MBOAT2: variants seen among roughly 807,000 people sequenced by gnomAD.
MBOAT2 encodes membrane bound glycerophospholipid O-acyltransferase 2, also known as membrane-bound glycerophospholipid O-acyltransferase 2.
In MBOAT2, 28 loss-of-function variants were observed where a neutral mutation model predicts 63.4. The observed-to-expected ratio is 0.44, with a 90% CI of 0.33 to 0.61. The LOEUF (loss-of-function observed/expected upper bound fraction) is 0.61. MBOAT2 is among the 20% of genes least tolerant of loss of function. The probability of loss-of-function intolerance (pLI) is 0.03; values close to 1 mark genes in which losing one functional copy is unlikely to be tolerated. For missense variants in MBOAT2, 470 were observed against 605.8 expected, an observed-to-expected ratio of 0.78 and a Z score of 2.35; for synonymous variants, 211 against 215.6, an observed-to-expected ratio of 0.98 and a Z score of 0.19.
chr2:8,948,725 C>A (rs573546395), intron 2 of MBOAT2, among the ~76,000 whole-genome samples: 16 of 152,290 alleles, frequency 1.1e-4, no homozygotes, highest in Admixed American at 2.0e-4. Flanking sequence ...ACCACATTTT[C>A]TTCATCCAGT....
chr2:8,877,146 G>A lies in MBOAT2; in HGVS notation c.574C>T (p.Leu192Phe). The A allele has an allele frequency of 6.2e-7, 1 of 1,614,122 alleles. No individual in the cohort carries two copies. The change falls in exon 7 of 13, where the codon CTT becomes TTT. Residue 192 changes from leucine (L) to phenylalanine (F), a missense_variant. Leu to Phe is a conservative substitution (Grantham distance 22). This residue lies in a region of MBOAT2 where 376 missense variants were observed against 503.8 expected (regional missense o/e 0.75). Transcript: ENST00000305997. ...CNFMGILAGP[L>F]CSYKDYITFI... Reference sequence around the variant, plus strand: ...GTAATGTAGTCTTTGTAAGAGCAAAGTGGGCCTGCCAGGATCCCCATGAAG... The same window carrying A: ...GTAATGTAGTCTTTGTAAGAGCAAAATGGGCCTGCCAGGATCCCCATGAAG...
intron 1 of MBOAT2, among the ~76,000 whole-genome samples, chr2:8,992,611 T>C (rs1219900353): frequency 6.6e-6 from 1 of 152,260 alleles, no homozygotes; most frequent in Admixed American, 6.5e-5. Flanking sequence ...ATTGAACTAC[T>C]TAAATATATC....
In MBOAT2 at chr2:8,877,314, C is replaced by T. The variant is rs1275616451; in HGVS notation, c.507-101G>A. The T allele has an allele frequency of 5.2e-6, 6 of 1,142,928 alleles. No individual in the cohort carries two copies. In the East Asian group the frequency reaches 1.3e-4, roughly 24 times the overall value. 70.8% of individuals were successfully genotyped at this position (1,142,928 alleles called of 1,614,324 possible). A position where few individuals can be genotyped will look rare whatever the true frequency, so the allele number is the denominator to read the frequency against. ...ACTGCTCTCCATTTCCAAAGTAAAA[C>T]AAGCTTTCATTTTCATTTGTACCCA... On this transcript the variant is annotated intron_variant, in intron 6 of 12. Coordinates refer to ENST00000305997, the MANE Select transcript of MBOAT2 (RefSeq NM_138799.4).
intron 8 of MBOAT2, among the ~76,000 whole-genome samples, chr2:8,871,253 C>T (rs1662309093): frequency 6.6e-6 from 1 of 152,154 alleles, no homozygotes; most frequent in Non-Finnish European, 1.5e-5. Context: ...CTTCCTCAGC[C>T]TCCCAACATG....
intron 3 of MBOAT2, among the ~76,000 whole-genome samples, chr2:8,930,970 G>C (rs115396962): frequency 1.3e-5 from 2 of 151,520 alleles, no homozygotes; most frequent in Non-Finnish European, 2.9e-5. Context: ...TTTTTCTCTC[G>C]GTCTGCTCCA....
At chr2:8,871,199 T>C (rs1392503191) in intron 8 of MBOAT2, among the ~76,000 whole-genome samples, 1 of 152,184 alleles carries the variant, frequency 6.6e-6, no homozygotes, top group Non-Finnish European at 1.5e-5. Context: ...GGTCTCACCA[T>C]GTTGCTCAGG....
intron 10 of MBOAT2, among the ~76,000 whole-genome samples, chr2:8,863,832 C>G (rs1661664519): frequency 6.6e-6 from 1 of 152,168 alleles, no homozygotes; most frequent in South Asian, 2.1e-4. Flanking sequence ...TGTGCTTGTG[C>G]AGGCACTTGT....
intron 3 of MBOAT2, among the ~76,000 whole-genome samples, chr2:8,912,403 GAAA>G (rs1196718132): frequency 2.9e-4 from 44 of 150,464 alleles, no homozygotes; most frequent in Middle Eastern, 3.4e-3. Flanking sequence ...AAGAAAGAAA[GAAA>G]GAAAGAAAGA....
chr2:8,998,573 C>T (rs1445894983), intron 1 of MBOAT2, among the ~76,000 whole-genome samples: 2 of 151,828 alleles, frequency 1.3e-5, no homozygotes, highest in African/African-American at 4.8e-5. Flanking sequence ...ACATCAACTT[C>T]ACTTCACTGG....
At chr2:8,859,241 T>C (rs558789495) in intron 12 of MBOAT2, among the ~76,000 whole-genome samples, 1 of 152,186 alleles carries the variant, frequency 6.6e-6, no homozygotes, top group Admixed American at 6.5e-5. Flanking sequence ...CCAATCCAGA[T>C]AATCAAAAGT....
intron 1 of MBOAT2, among the ~76,000 whole-genome samples, chr2:9,002,901 T>TC (rs1173929567): frequency 6.6e-6 from 1 of 152,178 alleles, no homozygotes; most frequent in African/African-American, 2.4e-5. Context: ...TGGGATTAAC[T>TC]CCGACTTTTC....
chr2:8,860,856 G>C (rs1269975544), intron 11 of MBOAT2, 92 bp from the exon 12 acceptor site: 2 of 1,022,918 alleles, frequency 2.0e-6, no homozygotes, highest in Non-Finnish European at 2.8e-6. Context: ...GAAGGATGTG[G>C]AGTAGAGTAA....
intron 3 of MBOAT2, among the ~76,000 whole-genome samples, chr2:8,932,211 A>G (rs1261673469): frequency 6.6e-6 from 1 of 152,176 alleles, no homozygotes; most frequent in African/African-American, 2.4e-5. Context: ...TAGTCAGTTG[A>G]TATTAAAATA....
intron 2 of MBOAT2, among the ~76,000 whole-genome samples, chr2:8,954,031 T>C (rs1487496637): frequency 6.6e-6 from 1 of 152,244 alleles, no homozygotes; most frequent in East Asian, 1.9e-4. Flanking sequence ...ATGCTGGCAC[T>C]TCTAATTTTT....
At chr2:8,995,590 ATT>A (rs34038834) in intron 1 of MBOAT2, among the ~76,000 whole-genome samples, 10 of 134,370 alleles carry the variant, frequency 7.4e-5, no homozygotes, top group Non-Finnish European at 7.9e-5. Flanking sequence ...AATACATTCC[ATT>A]TTTTTTTTTT....
In MBOAT2 at chr2:8,857,843, G is replaced by A. The variant is rs1161761671; in HGVS notation, c.*836C>T. ...GCATGGGGGGGAAGCTGCCTGCAGA[G>A]TCGCGGCTGTGCCCCGTGCATTCCA... On this transcript the variant is annotated 3_prime_UTR_variant, in exon 13 of 13. Coordinates refer to ENST00000305997, the MANE Select transcript of MBOAT2 (RefSeq NM_138799.4). 6.6e-6 allele frequency: 1 copy of A among 152,224 alleles called. No individual in the cohort carries two copies. Among genetic ancestry groups the A allele is most frequent in the Admixed American group, 6.5e-5 (1 of 15,288 alleles). 9.4% of individuals were successfully genotyped at this position (152,224 alleles called of 1,614,324 possible).
chr2:8,991,735 G>A (rs1247274969), intron 1 of MBOAT2, among the ~76,000 whole-genome samples: 1 of 152,074 alleles, frequency 6.6e-6, no homozygotes, highest in Admixed American at 6.5e-5. Flanking sequence ...TGTTATCAGG[G>A]CTCAAAAAGA....
At chr2:8,945,982 TAGAGAG>T (rs567002872) in intron 2 of MBOAT2, among the ~76,000 whole-genome samples, 17 of 152,168 alleles carry the variant, frequency 1.1e-4, no homozygotes, top group Admixed American at 1.1e-3. Flanking sequence ...GCTCCCAGTC[TAGAGAG>T]AAAGACAATA....
At chr2:8,998,379 T>TGAAA (rs1672453425) in intron 1 of MBOAT2, among the ~76,000 whole-genome samples, 1 of 152,218 alleles carries the variant, frequency 6.6e-6, no homozygotes, top group South Asian at 2.1e-4. Flanking sequence ...AATGGCAAGT[T>TGAAA]GAAAATAAAT....
Sources: allele counts gnomAD v4.1 joint callset (sites outside exome capture counted in the v4.1 genomes callset), GRCh38; gene constraint gnomAD v4.1.1; regional missense constraint gnomAD v4.1.1; transcripts MANE v1.5; gene names NCBI Gene and HGNC (gene_info 2026-07-23, HGNC 2026-07-21).